MSANTD2: variants seen among roughly 807,000 people sequenced by gnomAD.
The protein encoded by MSANTD2 is myb/SANT-like DNA-binding domain-containing protein 2.
A neutral mutation model predicts 52.6 loss-of-function variants in MSANTD2; 19 were observed. The ratio of observed to expected loss-of-function variants is 0.36; its 90% confidence interval spans 0.25 to 0.53. The LOEUF is 0.53. Ranked by LOEUF, MSANTD2 falls within the 20% of genes least tolerant of loss-of-function variation. MSANTD2 has a pLI of 0.91. For synonymous variants in MSANTD2, 291 were observed against 289.7 expected (o/e 1.00, Z -0.04); for missense variants, 558 against 716.3 (o/e 0.78, Z 2.52).
chr11:124,787,423 C>T (rs1002341841), intron 1 of MSANTD2, among the ~76,000 whole-genome samples: 2 of 152,172 alleles, frequency 1.3e-5, no homozygotes, highest in African/African-American at 4.8e-5. Flanking sequence ...GTTGCCCAGG[C>T]TGGATGGAGT....
intron 1 of MSANTD2, chr11:124,792,828 A>C (rs1189029944): frequency 6.6e-6 from 1 of 152,240 alleles, no homozygotes; most frequent in Non-Finnish European, 1.5e-5. Context: ...TGAATCTGTC[A>C]GTTGAATCTG....
At chr11:124,792,582 T>C (rs548409509) in intron 1 of MSANTD2, 3 of 152,334 alleles carry the variant, frequency 2.0e-5, no homozygotes, top group African/African-American at 7.2e-5. Flanking sequence ...AAGCCTAGGA[T>C]GTGTGTGCTC....
chr11:124,793,845 G>C (rs1291045056), intron 1 of MSANTD2, among the ~76,000 whole-genome samples: 1 of 151,856 alleles, frequency 6.6e-6, no homozygotes, highest in East Asian at 1.9e-4. Context: ...GGGGTAAAGT[G>C]ACAGAAAGGT....
chr11:124,775,803 T>A (rs965629429), intron 1 of MSANTD2: 1 of 152,272 alleles, frequency 6.6e-6, no homozygotes, highest in Non-Finnish European at 1.5e-5. Context: ...AATATCATTA[T>A]GCAAATCCAC....
Position 124,774,919 on chromosome 11 carries a change from C to G in MSANTD2, c.566G>C (p.Ser189Thr). 6.2e-7 allele frequency: 1 copy of G among 1,601,936 alleles called. No individual in the cohort carries two copies. Among genetic ancestry groups the G allele is most frequent in the Non-Finnish European group, 8.5e-7 (1 of 1,176,288 alleles). Residue 189 changes from serine to threonine, a missense_variant, in exon 2 of 4, where the codon AGC becomes ACC. This residue lies in a region of MSANTD2 where 408 missense variants were observed against 573.6 expected (regional missense o/e 0.71). Coordinates refer to ENST00000374979, the MANE Select transcript of MSANTD2 (RefSeq NM_001308027.2). The surrounding 1 kb of genome is among the most constrained non-coding windows in gnomAD (Gnocchi z 5.1). ...VKEHGVGKRK[S>T]SYTFEQLEQV... ...TTCCAACTGTTCAAATGTGTAACTG[C>G]TCTTTCTTTTCCCAACACCATGTTC...
Position 124,785,523 on chromosome 11 carries a change from C to T in MSANTD2, c.511-10549G>A, listed in dbSNP as rs867246087. On this transcript the variant is annotated intron_variant, in intron 1 of 3. Coordinates refer to ENST00000374979, the MANE Select transcript of MSANTD2 (RefSeq NM_001308027.2). ...ACTCAGGTTGTCCTTCAGAGTTATA[C>T]CGAATTGAGGCAAGGTTGGACCTTG... Among the ~76,000 whole-genome samples, 96 of 152,290 alleles carry T rather than the reference C, an allele frequency of 6.3e-4. 1 individual carries two copies. The highest frequency in any genetic ancestry group is 2.2e-3 in the African/African-American group (93 of 41,564).
intron 1 of MSANTD2, among the ~76,000 whole-genome samples, chr11:124,798,714 T>C (rs1193036730): frequency 1.3e-5 from 2 of 152,180 alleles, no homozygotes; most frequent in African/African-American, 4.8e-5. Flanking sequence ...TAACTCATGA[T>C]TGCGCCTATT....
At chr11:124,768,687 G>T (rs536141957) in intron 3 of MSANTD2, among the ~76,000 whole-genome samples, 1 of 152,294 alleles carries the variant, frequency 6.6e-6, no homozygotes, top group South Asian at 2.1e-4. Context: ...ACAGAATTAA[G>T]ATCTGGGAAT....
Position 124,772,879 on chromosome 11 carries a change from G to C in MSANTD2, c.827+115C>G. ...TTAAATCTAAAGAATGAATAGACAT[G>C]CCTCCTTGGTGAATGGCCGGAACTT... On this transcript the variant is annotated intron_variant, in intron 3 of 3. Coordinates refer to ENST00000374979, the MANE Select transcript of MSANTD2 (RefSeq NM_001308027.2). The C allele has an allele frequency of 2.9e-6, 2 of 692,174 alleles. 1 individual carries two copies. The highest frequency in any genetic ancestry group is 3.3e-5 in the South Asian group (2 of 61,452). 42.9% of individuals were successfully genotyped at this position (692,174 alleles called of 1,614,324 possible). A position where few individuals can be genotyped will look rare whatever the true frequency, so the allele number is the denominator to read the frequency against.
intron 3 of MSANTD2, among the ~76,000 whole-genome samples, chr11:124,771,707 C>T (rs1023927565): frequency 6.6e-6 from 1 of 152,186 alleles, no homozygotes; most frequent in African/African-American, 2.4e-5. Context: ...TGCACCACTG[C>T]GCTCCAGCCT....
chr11:124,798,728 C>T (rs983224807), intron 1 of MSANTD2, among the ~76,000 whole-genome samples: 1 of 152,092 alleles, frequency 6.6e-6, no homozygotes, highest in African/African-American at 2.4e-5. Flanking sequence ...GCCTATTAGA[C>T]TTTATTATTG....
Position 124,800,316 on chromosome 11 carries a change from A to G in MSANTD2, c.65T>C (p.Val22Ala). 1 of 1,563,626 alleles carries G rather than the reference A, an allele frequency of 6.4e-7. No homozygotes were observed. Among genetic ancestry groups the G allele is most frequent in the Admixed American group, 1.9e-5 (1 of 53,292 alleles). ...NSPLKIPKMEVLSPASPGGLS... is the reference protein window; with the variant it reads ...NSPLKIPKMEALSPASPGGLS... Reference sequence around the variant, plus strand: ...GCCACCAGGAGAAGCCGGGGAAAGCACCTCCATCTTCGGAATTTTTAGCGG... The same window carrying G: ...GCCACCAGGAGAAGCCGGGGAAAGCGCCTCCATCTTCGGAATTTTTAGCGG... The change falls in exon 1 of 4, where the codon GTG (valine) becomes GCG (alanine). Residue 22 changes from valine (V) to alanine (A), a missense_variant. Physicochemically the swap from Val to Ala is moderately conservative, Grantham distance 64. Transcript: ENST00000374979. The surrounding 1 kb of genome is among the most constrained non-coding windows in gnomAD (Gnocchi z 4.3).
chr11:124,782,081 T>C (rs1944995386), intron 1 of MSANTD2, among the ~76,000 whole-genome samples: 2 of 152,216 alleles, frequency 1.3e-5, no homozygotes, highest in African/African-American at 2.4e-5. Context: ...TATAACACTT[T>C]TTGTAATATA....
intron 1 of MSANTD2, among the ~76,000 whole-genome samples, chr11:124,777,422 C>T (rs1944785275): frequency 6.6e-6 from 1 of 152,320 alleles, no homozygotes; most frequent in South Asian, 2.1e-4. Context: ...GGAAGTGACA[C>T]AAGCATAAGC....
chr11:124,783,985 G>T (rs1347570900), intron 1 of MSANTD2: 1 of 985,236 alleles, frequency 1.0e-6, no homozygotes, highest in Non-Finnish European at 1.2e-6. Flanking sequence ...TAGGGTACAA[G>T]AATCCTTCAA....
At chr11:124,782,976 G>A (rs1353366244) in intron 1 of MSANTD2, among the ~76,000 whole-genome samples, 1 of 152,052 alleles carries the variant, frequency 6.6e-6, no homozygotes, top group Non-Finnish European at 1.5e-5. Context: ...TCTTTGGGCG[G>A]GCAGGCCACG....
intron 1 of MSANTD2, among the ~76,000 whole-genome samples, chr11:124,785,405 CAT>C (rs1326294525): frequency 1.3e-5 from 2 of 152,218 alleles, no homozygotes; most frequent in Non-Finnish European, 2.9e-5. Context: ...GGGAACCACA[CAT>C]GTGAGAGACT....
At chr11:124,787,591 G>C (rs1211324022) in intron 1 of MSANTD2, among the ~76,000 whole-genome samples, 1 of 152,160 alleles carries the variant, frequency 6.6e-6, no homozygotes, top group African/African-American at 2.4e-5. Flanking sequence ...ATACTGGCCA[G>C]GCTGGTCTCA....
chr11:124,767,901 C>T lies in MSANTD2; in HGVS notation c.955G>A (p.Gly319Ser), dbSNP rs1944362380. The T allele has an allele frequency of 6.2e-7, 1 of 1,614,088 alleles. No homozygotes were observed. Among genetic ancestry groups the T allele is most frequent in the Non-Finnish European group, 8.5e-7 (1 of 1,180,048 alleles). The change falls in exon 4 of 4, where the codon GGT becomes AGT. Residue 319 changes from glycine to serine, a missense_variant. Gly to Ser is a moderately conservative substitution (Grantham distance 56). Transcript: ENST00000374979. The surrounding 1 kb of genome is among the most constrained non-coding windows in gnomAD (Gnocchi z 6.5). ...TCCTCTTTCCAACGGGTGTTATAAC[C>T]AATTCCAAAAATGGCCAGTTTATTA... is the stretch of plus-strand genomic sequence containing the variant. ...LSNKLAIFGIGYNTRWKEDIR... is the reference protein window; with the variant it reads ...LSNKLAIFGISYNTRWKEDIR...
Sources: allele counts gnomAD v4.1 joint callset (sites outside exome capture counted in the v4.1 genomes callset), GRCh38; gene constraint gnomAD v4.1.1; regional missense constraint gnomAD v4.1.1; non-coding constraint Gnocchi (gnomAD v3.1); transcripts MANE v1.5; gene names NCBI Gene and HGNC (gene_info 2026-07-23, HGNC 2026-07-21).